The following KDM2A variants were observed in gnomAD, a reference collection of about 807,000 sequenced individuals.
KDM2A encodes lysine-specific demethylase 2A.
Under a neutral mutation model 137.3 loss-of-function variants are expected in KDM2A, and 3 were observed. That is an observed-to-expected ratio of 0.02 (90% CI 0.01 to 0.06). The LOEUF (loss-of-function observed/expected upper bound fraction) is 0.06, where lower values mean the gene tolerates loss of function less well. KDM2A is among the 10% of genes least tolerant of loss of function. KDM2A has a pLI of 1.00. For missense variants in KDM2A, 738 were observed against 1,510.6 expected (o/e 0.49, Z 8.48); for synonymous variants, 512 against 541.5 (o/e 0.95, Z 0.76).
At chr11:67,189,561 C>T (rs181519742) in intron 5 of KDM2A, among the ~76,000 whole-genome samples, 4 of 152,232 alleles carry the variant, frequency 2.6e-5, no homozygotes, top group African/African-American at 7.2e-5. Flanking sequence ...TTATCTCGGC[C>T]GGGCGAGGTG....
chr11:67,152,989 CT>C (rs35601441), intron 2 of KDM2A, among the ~76,000 whole-genome samples: 84 of 135,520 alleles, frequency 6.2e-4, no homozygotes, highest in South Asian at 4.2e-3. Flanking sequence ...CATGGTATGT[CT>C]TTTTTTTTTT....
chr11:67,219,264 T>A (rs142749126), intron 9 of KDM2A, 24 bp from the exon 10 acceptor site: 4 of 1,285,330 alleles, frequency 3.1e-6, no homozygotes, highest in Non-Finnish European at 4.4e-6. Flanking sequence ...TTTCAGCCAC[T>A]GCCCTCTGTT....
intron 2 of KDM2A, among the ~76,000 whole-genome samples, chr11:67,123,477 G>A (rs1237676168): frequency 6.6e-6 from 1 of 151,558 alleles, no homozygotes; most frequent in Non-Finnish European, 1.5e-5. Flanking sequence ...TGTATCGTTG[G>A]GATTTATTTT....
intron 17 of KDM2A, among the ~76,000 whole-genome samples, chr11:67,251,887 G>A (rs1289088788): frequency 4.6e-5 from 7 of 152,140 alleles, no homozygotes; most frequent in Non-Finnish European, 1.0e-4. Context: ...TCTGTCTAGG[G>A]CTAATAGGAC....
At chr11:67,182,020 C>A in intron 5 of KDM2A, 128 bp downstream of exon 5, 1 of 760,450 alleles carries the variant, frequency 1.3e-6, no homozygotes, top group Non-Finnish European at 2.2e-6. Flanking sequence ...ACTACATTTT[C>A]ATTAGGAACT....
intron 5 of KDM2A, among the ~76,000 whole-genome samples, chr11:67,182,329 T>C (rs1590755616): frequency 1.3e-5 from 2 of 152,182 alleles, no homozygotes; most frequent in South Asian, 4.1e-4. Flanking sequence ...GAGAAGTAGA[T>C]ACATTAAAAT....
chr11:67,131,529 A>G (rs1407737122), intron 2 of KDM2A, among the ~76,000 whole-genome samples: 1 of 149,074 alleles, frequency 6.7e-6, no homozygotes, highest in Non-Finnish European at 1.5e-5. Context: ...CTCCTGCCTC[A>G]GCCTCCTTAG....
At chr11:67,222,069 T>C (rs1858373886) in intron 10 of KDM2A, among the ~76,000 whole-genome samples, 1 of 149,050 alleles carries the variant, frequency 6.7e-6, no homozygotes, top group Admixed American at 6.7e-5. Context: ...CTTTTTTTTT[T>C]TTTTTTTTTT....
At position 67,256,312 on chromosome 11, in the gene KDM2A, A is replaced by C. The variant is rs1859611362; in HGVS notation, c.*1257A>C. 6.6e-6 allele frequency: 1 copy of C among 152,546 alleles called. No homozygotes were observed. Among genetic ancestry groups the C allele is most frequent in the Non-Finnish European group, 1.5e-5 (1 of 68,036 alleles). The allele number at this position is 152,546 out of a possible 1,614,324, so 9.4% of individuals were successfully genotyped here. On this transcript the variant is annotated 3_prime_UTR_variant, in exon 21 of 21. Coordinates refer to ENST00000529006, the MANE Select transcript of KDM2A (RefSeq NM_012308.3). ...ACTTTGCATTGAACGGCCTGTCCAA[A>C]GATCCTCTCTCTAGGGCAGCAGAGA...
intron 10 of KDM2A, among the ~76,000 whole-genome samples, chr11:67,220,785 A>G (rs1858322375): frequency 6.6e-6 from 1 of 152,230 alleles, no homozygotes; most frequent in African/African-American, 2.4e-5. Context: ...ACTTAAACAA[A>G]TGAGTGTGGC....
intron 5 of KDM2A, among the ~76,000 whole-genome samples, chr11:67,184,089 C>A (rs1169384028): frequency 2.1e-5 from 3 of 144,658 alleles, no homozygotes; most frequent in African/African-American, 7.9e-5. Flanking sequence ...CAGAGTGAGA[C>A]CCTGTCTCAA....
At chr11:67,235,851 C>T (rs1031067100) in intron 12 of KDM2A, among the ~76,000 whole-genome samples, 19 of 151,990 alleles carry the variant, frequency 1.3e-4, no homozygotes, top group African/African-American at 4.6e-4. Flanking sequence ...AACTCCTGAC[C>T]TTGCGATCCA....
At chr11:67,165,645 C>T (rs1003344415) in intron 2 of KDM2A, among the ~76,000 whole-genome samples, 1 of 152,082 alleles carries the variant, frequency 6.6e-6, no homozygotes, top group African/African-American at 2.4e-5. Flanking sequence ...AAAATAGGTG[C>T]ATTTATAGAC....
chr11:67,177,943 C>T (rs1030101817), intron 2 of KDM2A, among the ~76,000 whole-genome samples: 8 of 152,088 alleles, frequency 5.3e-5, no homozygotes, highest in Admixed American at 1.3e-4. Context: ...TTTAGTTCTA[C>T]TGTAATCTCA....
intron 2 of KDM2A, among the ~76,000 whole-genome samples, chr11:67,157,636 T>C (rs1292301672): frequency 6.6e-6 from 1 of 150,642 alleles, no homozygotes; most frequent in Non-Finnish European, 1.5e-5. Flanking sequence ...TCCCAGCTAC[T>C]CGGGAGGCTG....
intron 2 of KDM2A, among the ~76,000 whole-genome samples, chr11:67,133,751 A>T (rs1855909209): frequency 6.8e-6 from 1 of 147,006 alleles, no homozygotes; most frequent in South Asian, 2.2e-4. Context: ...TCCTAGGCTG[A>T]CGTGCAGTGG....
intron 18 of KDM2A, 62 bp downstream of exon 18, chr11:67,252,919 G>A: frequency 1.3e-6 from 2 of 1,524,978 alleles, no homozygotes; most frequent in Admixed American, 1.9e-5. Flanking sequence ...AAGAAAAGTT[G>A]CATTATTGGC....
intron 15 of KDM2A, among the ~76,000 whole-genome samples, chr11:67,247,091 T>A (rs1401701861): frequency 2.9e-5 from 3 of 103,020 alleles, no homozygotes; most frequent in East Asian, 2.7e-4. Flanking sequence ...TTTTTTTTTT[T>A]TTTTTTTTTT....
chr11:67,218,236 G>A (rs150082986), intron 9 of KDM2A, among the ~76,000 whole-genome samples: 224 of 152,332 alleles, frequency 1.5e-3, no homozygotes, highest in African/African-American at 4.9e-3. Flanking sequence ...GAATGGCTGT[G>A]AAGGCTGGAG....
Sources: gnomAD v4.1 joint callset for allele counts (sites outside exome capture counted in the v4.1 genomes callset) on GRCh38, gnomAD v4.1.1 for gene constraint, MANE v1.5 for transcripts, NCBI Gene and HGNC (gene_info 2026-07-23, HGNC 2026-07-21) for gene names.